The following JAZF1 variants were observed in gnomAD, a reference collection of about 807,000 sequenced individuals.
The protein encoded by JAZF1 is JAZF zinc finger 1.
A neutral mutation model predicts 26.4 loss-of-function variants in JAZF1; 8 were observed. The observed-to-expected ratio is 0.30, with a 90% CI of 0.18 to 0.55. The LOEUF (loss-of-function observed/expected upper bound fraction) is 0.55. Among genes scored for constraint, JAZF1 ranks in the 20% least tolerant of loss-of-function variants. The pLI, the probability that JAZF1 is intolerant of heterozygous loss-of-function variation, is 0.94. For missense variants in JAZF1, 199 were observed against 322.0 expected (o/e 0.62, Z 2.92); for synonymous variants, 126 against 122.3 (o/e 1.03, Z -0.20).
intron 1 of JAZF1, among the ~76,000 whole-genome samples, chr7:28,053,676 A>G (rs1204841687): frequency 6.6e-6 from 1 of 152,246 alleles, no homozygotes; most frequent in Admixed American, 6.5e-5. Flanking sequence ...GATCCCAATG[A>G]CAGATTTCAA....
chr7:28,167,914 C>A (rs185057351), intron 1 of JAZF1, among the ~76,000 whole-genome samples: 2 of 152,306 alleles, frequency 1.3e-5, no homozygotes, highest in Admixed American at 1.3e-4. Flanking sequence ...CAGATAGCTT[C>A]TTTGCAGGAA....
chr7:27,923,295 A>T (rs1324633564), intron 2 of JAZF1, among the ~76,000 whole-genome samples: 1 of 152,186 alleles, frequency 6.6e-6, no homozygotes, highest in East Asian at 1.9e-4. Context: ...ACTCTTCCAA[A>T]CGAAAACCCG....
At chr7:28,144,806 T>C (rs1783001100) in intron 1 of JAZF1, among the ~76,000 whole-genome samples, 1 of 152,226 alleles carries the variant, frequency 6.6e-6, no homozygotes, top group South Asian at 2.1e-4. Flanking sequence ...AGACTCCTAA[T>C]TTTCCGATTT....
intron 2 of JAZF1, among the ~76,000 whole-genome samples, chr7:27,917,866 G>T (rs765103155): frequency 3.2e-4 from 49 of 152,156 alleles, no homozygotes; most frequent in Non-Finnish European, 6.2e-4. Context: ...TACACAGAAA[G>T]ATGTGGCAGT....
At chr7:28,006,499 T>A (rs1347536364) in intron 1 of JAZF1, among the ~76,000 whole-genome samples, 2 of 152,202 alleles carry the variant, frequency 1.3e-5, no homozygotes, top group South Asian at 2.1e-4. Context: ...CAATCAATAG[T>A]TCTCAAGTAG....
intron 1 of JAZF1, among the ~76,000 whole-genome samples, chr7:28,099,873 C>G (rs971699285): frequency 6.6e-6 from 1 of 152,206 alleles, no homozygotes; most frequent in Admixed American, 6.5e-5. Flanking sequence ...GCCTTTTAGT[C>G]TCCAAGATTT....
At chr7:28,105,488 C>G (rs1421116988) in intron 1 of JAZF1, among the ~76,000 whole-genome samples, 1 of 152,144 alleles carries the variant, frequency 6.6e-6, no homozygotes, top group Non-Finnish European at 1.5e-5. Flanking sequence ...CAATGCCTGC[C>G]CTATTTCAGG....
Position 27,993,028 on chromosome 7 carries a change from G to A in JAZF1, c.116-1047C>T, listed in dbSNP as rs984956797. On this transcript the variant is annotated intron_variant, in intron 1 of 4. Coordinates refer to ENST00000283928, the MANE Select transcript of JAZF1 (RefSeq NM_175061.4). ...AAGCAGATACAGTGGCAGAGAACAC[G>A]GGTGGCAACAATGACAGCATAAAAA... 3.3e-5 allele frequency among the ~76,000 whole-genome samples: 5 copies of A among 152,262 alleles called. No homozygotes were observed. The East Asian group carries it at 5.8e-4, about 18-fold the overall frequency.
At chr7:28,154,829 G>GA (rs200664346) in intron 1 of JAZF1, among the ~76,000 whole-genome samples, 6 of 145,398 alleles carry the variant, frequency 4.1e-5, no homozygotes, top group Non-Finnish European at 6.0e-5. Context: ...CTACAATATT[G>GA]AAAAAAAAAG....
At chr7:27,912,782 G>C (rs1276121047) in intron 2 of JAZF1, among the ~76,000 whole-genome samples, 1 of 152,114 alleles carries the variant, frequency 6.6e-6, no homozygotes, top group African/African-American at 2.4e-5. Flanking sequence ...ATTTGGAAAA[G>C]AGGAATTCTG....
chr7:28,077,125 T>C (rs1448613010), intron 1 of JAZF1, among the ~76,000 whole-genome samples: 2 of 152,180 alleles, frequency 1.3e-5, no homozygotes, highest in Non-Finnish European at 2.9e-5. Context: ...AAATGATGAA[T>C]GAAAAATTAT....
At chr7:27,870,388 C>T (rs1242296942) in intron 3 of JAZF1, among the ~76,000 whole-genome samples, 1 of 152,096 alleles carries the variant, frequency 6.6e-6, no homozygotes, top group Non-Finnish European at 1.5e-5. Context: ...TGTATGAATT[C>T]CACATCTGCT....
chr7:27,985,057 G>A (rs898585829), intron 2 of JAZF1, among the ~76,000 whole-genome samples: 3 of 152,114 alleles, frequency 2.0e-5, no homozygotes, highest in African/African-American at 7.2e-5. Context: ...AGAAGCAAGA[G>A]CAAACACATT....
In JAZF1 at chr7:27,895,367, T is replaced by A. The variant is rs1784043840; in HGVS notation, c.238A>T (p.Ile80Phe). 1 of 1,608,102 alleles carries A rather than the reference T, an allele frequency of 6.2e-7. No homozygotes were observed. Among genetic ancestry groups the A allele is most frequent in the Non-Finnish European group, 8.5e-7 (1 of 1,177,388 alleles). The change falls in exon 3 of 5, where the codon ATT (isoleucine) becomes TTT (phenylalanine). Residue 80 changes from isoleucine (I) to phenylalanine (F), a missense_variant. This residue lies in a region of JAZF1 where 137 missense variants were observed against 184.8 expected (regional missense o/e 0.74). Coordinates refer to ENST00000283928, the MANE Select transcript of JAZF1 (RefSeq NM_175061.4). Reference sequence around the variant, plus strand: ...AGAGTCAGCGAGAGCTTCGGCTGAATCTTCTTCTTTAGGGACTCCTGCTCT... The same window carrying A: ...AGAGTCAGCGAGAGCTTCGGCTGAAACTTCTTCTTTAGGGACTCCTGCTCT... ...RREQESLKKK[I>F]QPKLSLTLSS...
intron 3 of JAZF1, among the ~76,000 whole-genome samples, chr7:27,867,942 C>A (rs79645844): frequency 6.6e-6 from 1 of 152,184 alleles, no homozygotes; most frequent in Non-Finnish European, 1.5e-5. Flanking sequence ...CTATTTCTTT[C>A]GCAGGATCTC....
intron 2 of JAZF1, among the ~76,000 whole-genome samples, chr7:27,985,990 A>T (rs1281690689): frequency 6.6e-6 from 1 of 152,180 alleles, no homozygotes; most frequent in Non-Finnish European, 1.5e-5. Flanking sequence ...TTTATGACAA[A>T]CCCACAGCCA....
intron 1 of JAZF1, among the ~76,000 whole-genome samples, chr7:28,033,742 C>T (rs1350808654): frequency 1.3e-5 from 2 of 152,048 alleles, no homozygotes; most frequent in African/African-American, 2.4e-5. Flanking sequence ...TCTATGGGAA[C>T]TCTTTTTTGG....
At chr7:28,031,437 T>C (rs1783187510) in intron 1 of JAZF1, among the ~76,000 whole-genome samples, 1 of 152,036 alleles carries the variant, frequency 6.6e-6, no homozygotes, top group African/African-American at 2.4e-5. Flanking sequence ...ACTCCCAATA[T>C]CCCACCCCTC....
Position 28,078,194 on chromosome 7 carries a change from T to C in JAZF1, c.116-86213A>G, listed in dbSNP as rs140001746. 2.6e-3 allele frequency among the ~76,000 whole-genome samples: 397 copies of C among 152,358 alleles called. 2 individuals carry two copies. The highest frequency in any genetic ancestry group is 9.2e-3 in the African/African-American group (384 of 41,580). On this transcript the variant is annotated intron_variant, in intron 1 of 4. Coordinates refer to ENST00000283928, the MANE Select transcript of JAZF1 (RefSeq NM_175061.4). The stretch of plus-strand genomic sequence containing the variant: ...GGAAGTCACTCGTATGATGATAATG[T>C]ACCACTTACGGGCAGGATGGTATAG...
Sources: gnomAD v4.1 joint callset for allele counts (sites outside exome capture counted in the v4.1 genomes callset) on GRCh38, gnomAD v4.1.1 for gene constraint, gnomAD v4.1.1 regional missense constraint, MANE v1.5 for transcripts, NCBI Gene and HGNC (gene_info 2026-07-23, HGNC 2026-07-21) for gene names.